Variants in DNAJA3 observed in about 807,000 individuals in gnomAD.
DNAJA3 encodes the protein DnaJ heat shock protein family (Hsp40) member A3.
A neutral mutation model predicts 54.9 loss-of-function variants in DNAJA3; 29 were observed. The observed-to-expected ratio is 0.53, with a 90% CI of 0.39 to 0.72. The LOEUF (loss-of-function observed/expected upper bound fraction) is 0.72. Ranked by LOEUF, DNAJA3 falls within the 30% of genes least tolerant of loss-of-function variation. The pLI, the probability that DNAJA3 is intolerant of heterozygous loss-of-function variation, is 0.00. For synonymous variants in DNAJA3, 302 were observed against 251.4 expected (o/e 1.20, Z -1.90); for missense variants, 708 against 639.4 (o/e 1.11, Z -1.16).
rs1479256451 is a variant in DNAJA3 at position 4,448,792 on chromosome 16, G to C, written c.1185G>C (p.Arg395=). The change falls in exon 9 of 12, where the codon CGG becomes CGC. Residue 395 remains arginine, a synonymous_variant. Transcript: ENST00000262375. ...KIRMGGKGIP[R]INSYGYGDHY... ...GGATGGGTGGGAAAGGCATCCCCCG[G>C]ATTAACAGCTACGGCTACGGAGACC... The C allele has an allele frequency of 1.9e-6, 3 of 1,614,150 alleles. No homozygotes were observed. The highest frequency in any genetic ancestry group is 1.1e-5 in the South Asian group (1 of 91,078).
chr16:4,438,484 A>C (rs969319621), intron 3 of DNAJA3, among the ~76,000 whole-genome samples: 93 of 152,106 alleles, frequency 6.1e-4, no homozygotes, highest in African/African-American at 2.2e-3. Flanking sequence ...TTGGGGATAG[A>C]GGTTATTGTA....
intron 10 of DNAJA3, among the ~76,000 whole-genome samples, chr16:4,454,572 C>A (rs1197552540): frequency 6.6e-6 from 1 of 152,208 alleles, no homozygotes; most frequent in Non-Finnish European, 1.5e-5. Context: ...TGCTGTGGGT[C>A]CTTGATTGAA....
chr16:4,452,117 A>T (rs958617341), intron 10 of DNAJA3, among the ~76,000 whole-genome samples: 1 of 152,048 alleles, frequency 6.6e-6, no homozygotes, highest in Non-Finnish European at 1.5e-5. Flanking sequence ...CTGTAGCCCA[A>T]CCAGGTTCCA....
At chr16:4,448,248 AT>A (rs2056928769) in intron 8 of DNAJA3, among the ~76,000 whole-genome samples, 19 of 149,638 alleles carry the variant, frequency 1.3e-4, no homozygotes, top group African/African-American at 2.2e-4. Flanking sequence ...GAAGGTCTCA[AT>A]CACCTGACCT....
At position 4,443,055 on chromosome 16, in the gene DNAJA3, G is replaced by A. The variant is rs746113110; in HGVS notation, c.822G>A (p.Thr274=). The A allele has an allele frequency of 8.0e-5, 129 of 1,613,994 alleles. No individual in the cohort carries two copies. In the Admixed American group the frequency reaches 1.6e-3, roughly 20 times the overall value. The change falls in exon 6 of 12, where the codon ACG becomes ACA. Residue 274 remains threonine, a synonymous_variant. Transcript: ENST00000262375. ...CAGGCCCTTTTGTGATGCGTTCCAC[G>A]TGTAGGAGATGTGGTGGCCGCGGCT... ...INTGPFVMRS[T]CRRCGGRGSI...
chr16:4,442,813 C>A, intron 5 of DNAJA3: 1 of 607,292 alleles, frequency 1.6e-6, no homozygotes, highest in Non-Finnish European at 2.9e-6. Flanking sequence ...AGTTGATGAT[C>A]TGGAGTGCAG....
At chr16:4,455,144 C>T (rs377585048) in intron 11 of DNAJA3, among the ~76,000 whole-genome samples, 5 of 152,170 alleles carry the variant, frequency 3.3e-5, no homozygotes, top group Admixed American at 6.5e-5. Context: ...GCTGGGCTGC[C>T]GCGGCCAGCC....
Position 4,456,489 on chromosome 16 carries a change from A to G in DNAJA3, c.*957A>G, listed in dbSNP as rs1036712961. 1 of 152,668 alleles carries G rather than the reference A, an allele frequency of 6.6e-6. No individual in the cohort carries two copies. Among genetic ancestry groups the G allele is most frequent in the Admixed American group, 6.5e-5 (1 of 15,282 alleles). 9.5% of individuals were successfully genotyped at this position (152,668 alleles called of 1,614,324 possible). On this transcript the variant is annotated 3_prime_UTR_variant, in exon 12 of 12. Coordinates refer to ENST00000262375, the MANE Select transcript of DNAJA3 (RefSeq NM_005147.6). ...TTTCCTTTGTAAATGTTGATTCAGA[A>G]AAGGAAAGCACAGGCTAAGCAGTTG...
At chr16:4,443,710 G>A (rs1414774620) in intron 6 of DNAJA3, among the ~76,000 whole-genome samples, 8 of 150,378 alleles carry the variant, frequency 5.3e-5, no homozygotes, top group African/African-American at 1.2e-4. Flanking sequence ...TTTTTGAGAC[G>A]GAGTCTCGCT....
In DNAJA3 at chr16:4,454,923, C is replaced by A; in HGVS notation, c.*9C>A. On this transcript the variant is annotated 3_prime_UTR_variant, in exon 11 of 12. Coordinates refer to ENST00000262375, the MANE Select transcript of DNAJA3 (RefSeq NM_005147.6). ...AAATGTTTACCTCATGATATCCCAG[C>A]CGAGGTAGGAAAACCCTGGAGGTTT... 1 of 1,604,250 alleles carries A rather than the reference C, an allele frequency of 6.2e-7. No homozygotes were observed. The highest frequency in any genetic ancestry group is 8.5e-7 in the Non-Finnish European group (1 of 1,171,810).
chr16:4,453,470 C>T (rs1258267708), intron 10 of DNAJA3, among the ~76,000 whole-genome samples: 1 of 151,320 alleles, frequency 6.6e-6, no homozygotes, highest in Non-Finnish European at 1.5e-5. Flanking sequence ...CGGAGTCTCA[C>T]TCTGTCACCC....
rs2057036776 is a variant in DNAJA3, at chr16:4,456,444, T to C, written c.*912T>C. ...TATTTTCTGAAGTGTGTTTAAATTA[T>C]TCAGTGCTAATCATTGTTTTTTCCT... On this transcript the variant is annotated 3_prime_UTR_variant, in exon 12 of 12. Transcript: ENST00000262375. 1 of 152,654 alleles carries C rather than the reference T, an allele frequency of 6.6e-6. No homozygotes were observed. The highest frequency in any genetic ancestry group is 1.5e-5 in the Non-Finnish European group (1 of 68,044). 9.5% of individuals were successfully genotyped at this position (152,654 alleles called of 1,614,324 possible). A position where few individuals can be genotyped will look rare whatever the true frequency, so the allele number is the denominator to read the frequency against.
chr16:4,436,376 T>C (rs2056772259), intron 2 of DNAJA3, among the ~76,000 whole-genome samples: 1 of 152,200 alleles, frequency 6.6e-6, no homozygotes, highest in Admixed American at 6.5e-5. Flanking sequence ...CCCAGAGACA[T>C]AATTTAAGAG....
chr16:4,442,814 T>A, intron 5 of DNAJA3: 1 of 608,514 alleles, frequency 1.6e-6, no homozygotes, highest in Non-Finnish European at 2.9e-6. Context: ...GTTGATGATC[T>A]GGAGTGCAGA....
chr16:4,437,986 C>A (rs1211247713), intron 3 of DNAJA3, among the ~76,000 whole-genome samples: 1 of 151,344 alleles, frequency 6.6e-6, no homozygotes, highest in Non-Finnish European at 1.5e-5. Context: ...AAAAACAAAA[C>A]AACAACATTC....
chr16:4,442,280 T>C lies in DNAJA3; in HGVS notation c.643T>C (p.Leu215=). 6.3e-7 allele frequency: 1 copy of C among 1,592,102 alleles called. No individual in the cohort carries two copies. Among genetic ancestry groups the C allele is most frequent in the Non-Finnish European group, 8.6e-7 (1 of 1,167,678 alleles). ...FDQPQEYFME[L]TFNQAAKGVN... ...TTGGTTTCTTTAGTACTTCATGGAGTTGACATTCAATCAAGCTGCAAAGGG... is the reference window on the plus strand; with the variant it reads ...TTGGTTTCTTTAGTACTTCATGGAGCTGACATTCAATCAAGCTGCAAAGGG... Residue 215 remains leucine, a synonymous_variant, in exon 5 of 12, where the codon TTG becomes CTG. Coordinates refer to ENST00000262375, the MANE Select transcript of DNAJA3 (RefSeq NM_005147.6).
rs769099771 is a variant in DNAJA3, at chr16:4,443,014, C to G, written c.784-3C>G. On this transcript the variant is annotated splice_polypyrimidine_tract_variant and splice_region_variant and intron_variant, in intron 5 of 11. Transcript: ENST00000262375. ...AGGTTACCATTTTTCTTGTTTTTAT[C>G]AGGAAACCATCAACACAGGCCCTTT... is the stretch of plus-strand genomic sequence containing the variant. 1.9e-6 allele frequency: 3 copies of G among 1,612,180 alleles called. No individual in the cohort carries two copies. The highest frequency in any genetic ancestry group is 3.4e-5 in the Admixed American group (2 of 59,596).
At chr16:4,450,320 G>A in intron 9 of DNAJA3, 80 bp from the exon 10 acceptor site, 1 of 1,207,086 alleles carries the variant, frequency 8.3e-7, no homozygotes, top group Non-Finnish European at 1.2e-6. Flanking sequence ...CCCATGTGCT[G>A]CGAGGGTGCT....
Position 4,448,739 on chromosome 16 carries a change from C to G in DNAJA3, c.1132C>G (p.Pro378Ala), listed in dbSNP as rs147164370. The G allele has an allele frequency of 1.6e-4, 264 of 1,613,616 alleles. No individual in the cohort carries two copies. The African/African-American group carries it at 2.9e-3, about 18-fold the overall frequency. ...AGATTTTCTTTCTTTATAGATCCCC[C>G]CTGGGACTCAGACAGACCAGAAGAT... Reference protein sequence around the residue: ...LYETINVTIPPGTQTDQKIRM... With the variant: ...LYETINVTIPAGTQTDQKIRM... Residue 378 changes from proline (P) to alanine (A), a missense_variant, in exon 9 of 12, where the codon CCT becomes GCT. Transcript: ENST00000262375.
Sources: allele counts gnomAD v4.1 joint callset (sites outside exome capture counted in the v4.1 genomes callset), GRCh38; gene constraint gnomAD v4.1.1; transcripts MANE v1.5; gene names NCBI Gene and HGNC (gene_info 2026-07-23, HGNC 2026-07-21).